The following FBXO10 variants were observed in gnomAD, a reference collection of about 807,000 sequenced individuals.
FBXO10 encodes the protein F-box only protein 10.
A neutral mutation model predicts 80.7 loss-of-function variants in FBXO10; 39 were observed. That is an observed-to-expected ratio of 0.48 (90% CI 0.37 to 0.63). The LOEUF (loss-of-function observed/expected upper bound fraction) is 0.63. Ranked by LOEUF, FBXO10 falls within the 30% of genes least tolerant of loss-of-function variation. The pLI is 0.00. For missense variants in FBXO10, 1,025 were observed against 1,269.0 expected (o/e 0.81, Z 2.92); for synonymous variants, 449 against 489.6 (o/e 0.92, Z 1.09).
Position 37,537,733 on chromosome 9 carries a change from T to C in FBXO10, c.796A>G (p.Lys266Glu), listed in dbSNP as rs770753607. The C allele has an allele frequency of 6.2e-7, 1 of 1,614,042 alleles. No individual in the cohort carries two copies. The highest frequency in any genetic ancestry group is 1.1e-5 in the South Asian group (1 of 91,090). Residue 266 changes from lysine to glutamate, a missense_variant, in exon 3 of 11, where the codon AAG becomes GAG. Physicochemically the swap from Lys to Glu is moderately conservative, Grantham distance 56 (BLOSUM62 1). Coordinates refer to ENST00000432825, the MANE Select transcript of FBXO10 (RefSeq NM_012166.3). ...AGTAGATACTTGTAGGCCCAGTTCT[T>C]ATCTGCAGATGGGTGACCCTCAACA... The part of the protein sequence containing the change: ...VTVEGHPSAD[K>E]NWAYKYLLGL...
intron 3 of FBXO10, among the ~76,000 whole-genome samples, chr9:37,534,260 G>C (rs1227798900): frequency 6.6e-6 from 1 of 152,134 alleles, no homozygotes; most frequent in Non-Finnish European, 1.5e-5. Context: ...AAATGGTAAG[G>C]TTTCAGCTTC....
chr9:37,545,868 C>T (rs565081699), intron 1 of FBXO10, among the ~76,000 whole-genome samples: 10 of 152,090 alleles, frequency 6.6e-5, no homozygotes, highest in African/African-American at 1.4e-4. Flanking sequence ...GATTTTTGGC[C>T]GGGTGCGGTG....
chr9:37,516,393 T>C lies in FBXO10; in HGVS notation c.2515-308A>G, dbSNP rs1206917848. Among the ~76,000 whole-genome samples the C allele has an allele frequency of 1.3e-5, 2 of 152,182 alleles. 1 individual carries two copies. The highest frequency in any genetic ancestry group is 1.3e-4 in the Admixed American group (2 of 15,282). On this transcript the variant is annotated intron_variant, in intron 9 of 10. Transcript: ENST00000432825. Reference sequence around the variant, plus strand: ...AGGCAGTGTCAGAAGTCAGGGCCACTGGCAACCCAACTGAGACGAAAGTGT... The same window carrying C: ...AGGCAGTGTCAGAAGTCAGGGCCACCGGCAACCCAACTGAGACGAAAGTGT...
At chr9:37,556,673 A>G (rs1182395422) in intron 1 of FBXO10, among the ~76,000 whole-genome samples, 1 of 150,632 alleles carries the variant, frequency 6.6e-6, no homozygotes, top group African/African-American at 2.4e-5. Context: ...CCTCCCAAGT[A>G]GCTGGGATTA....
intron 2 of FBXO10, among the ~76,000 whole-genome samples, chr9:37,540,617 T>C (rs1391136546): frequency 1.3e-5 from 2 of 152,222 alleles, no homozygotes; most frequent in Admixed American, 6.5e-5. Flanking sequence ...CTGCTTTACT[T>C]TGAACCATCT....
intron 1 of FBXO10, among the ~76,000 whole-genome samples, chr9:37,561,273 G>A (rs76375319): frequency 6.6e-6 from 1 of 150,568 alleles, no homozygotes; most frequent in Non-Finnish European, 1.5e-5. Flanking sequence ...TCGAACTCCT[G>A]GCCACAAGTG....
Position 37,537,914 on chromosome 9 carries a change from G to A in FBXO10, c.615C>T (p.Asn205=), listed in dbSNP as rs1371298619. 6 of 1,613,400 alleles carry A rather than the reference G, an allele frequency of 3.7e-6. No individual in the cohort carries two copies. The highest frequency in any genetic ancestry group is 5.1e-6 in the Non-Finnish European group (6 of 1,179,680). ...GGATGTGCCCGTTCTCAAAGTTGCA[G>A]TTGTCAAACTGGACGTGACCTGATG... is the stretch of plus-strand genomic sequence containing the variant. ...KTTSGHVQFD[N]CNFENGHIQV... Residue 205 remains asparagine (N), a synonymous_variant, in exon 3 of 11, where the codon AAC becomes AAT. Transcript: ENST00000432825.
chr9:37,532,557 G>C (rs912286462), intron 3 of FBXO10, among the ~76,000 whole-genome samples: 1 of 151,886 alleles, frequency 6.6e-6, no homozygotes, highest in Non-Finnish European at 1.5e-5. Flanking sequence ...TGTTGCCCAG[G>C]CTGGTCTGGA....
intron 8 of FBXO10, among the ~76,000 whole-genome samples, chr9:37,520,503 T>G (rs1821310273): frequency 6.7e-6 from 1 of 149,324 alleles, no homozygotes; most frequent in Non-Finnish European, 1.5e-5. Flanking sequence ...TAATTTTTCT[T>G]TCTCTACTCC....
At chr9:37,540,590 T>C (rs1342428412) in intron 2 of FBXO10, among the ~76,000 whole-genome samples, 1 of 152,206 alleles carries the variant, frequency 6.6e-6, no homozygotes, top group Non-Finnish European at 1.5e-5. Context: ...TGCCAGGAAC[T>C]ACCAACACCT....
chr9:37,524,215 C>T (rs1221959336), intron 6 of FBXO10, among the ~76,000 whole-genome samples: 1 of 152,222 alleles, frequency 6.6e-6, no homozygotes, highest in African/African-American at 2.4e-5. Context: ...TCCTTGTCAC[C>T]TTCTCAGAGG....
intron 1 of FBXO10, among the ~76,000 whole-genome samples, chr9:37,562,958 C>A (rs1822515902): frequency 6.7e-6 from 1 of 150,368 alleles, no homozygotes. Flanking sequence ...TGCTTAGTGC[C>A]TGATATGGTT....
At chr9:37,535,789 G>A (rs889814882) in intron 3 of FBXO10, among the ~76,000 whole-genome samples, 3 of 152,208 alleles carry the variant, frequency 2.0e-5, no homozygotes, top group Non-Finnish European at 2.9e-5. Context: ...TTGCTTGAAA[G>A]GGTGAAAGGG....
chr9:37,556,995 A>G (rs571063289), intron 1 of FBXO10, among the ~76,000 whole-genome samples: 1 of 152,264 alleles, frequency 6.6e-6, no homozygotes, highest in South Asian at 2.1e-4. Context: ...CTGAAGACTC[A>G]ATACCTGGTG....
chr9:37,569,395 C>CAAAAAAAAAAA (rs35292200), intron 1 of FBXO10, among the ~76,000 whole-genome samples: 1 of 123,108 alleles, frequency 8.1e-6, no homozygotes, highest in African/African-American at 3.3e-5. Context: ...AGATATAAAG[C>CAAAAAAAAAAA]AAAAAAAAAA....
In FBXO10 at chr9:37,541,507, T is replaced by C. The variant is rs780314084; in HGVS notation, c.262A>G (p.Asn88Asp). Reference protein sequence around the residue: ...HYLASKTWTKNALDLESSICF... With the variant: ...HYLASKTWTKDALDLESSICF... ...ATGGAAGACTCCAAGTCCAAGGCAT[T>C]CTTGGTCCATGTCTTGGATGCAAGG... Residue 88 changes from asparagine to aspartate, a missense_variant, in exon 2 of 11, where the codon AAT becomes GAT. By Grantham distance (23) the Asn-to-Asp change is conservative. Around this residue, in one of 3 missense-constraint regions of FBXO10, gnomAD observed 450 missense variants for 499.4 expected, o/e 0.90. Transcript: ENST00000432825. 1.9e-6 allele frequency: 3 copies of C among 1,613,960 alleles called. No homozygotes were observed. In the South Asian group the frequency reaches 3.3e-5, roughly 18 times the overall value.
intron 10 of FBXO10, among the ~76,000 whole-genome samples, chr9:37,514,311 G>A (rs553350690): frequency 2.6e-5 from 4 of 152,216 alleles, no homozygotes; most frequent in Admixed American, 2.0e-4. Flanking sequence ...GGTACACAGC[G>A]GACAATACCA....
At chr9:37,526,833 A>ATTTT (rs1274500063) in intron 5 of FBXO10, among the ~76,000 whole-genome samples, 1 of 139,942 alleles carries the variant, frequency 7.1e-6, no homozygotes, top group African/African-American at 3.0e-5. Context: ...TTATTTATTT[A>ATTTT]TTTATTTATT....
intron 1 of FBXO10, among the ~76,000 whole-genome samples, chr9:37,553,011 G>GTT (rs967130189): frequency 1.7e-5 from 2 of 116,502 alleles, no homozygotes; most frequent in African/African-American, 7.5e-5. Context: ...ACCAATTCAG[G>GTT]TTGTGTGTGT....
Sources: gnomAD v4.1 joint callset for allele counts (sites outside exome capture counted in the v4.1 genomes callset) on GRCh38, gnomAD v4.1.1 for gene constraint, gnomAD v4.1.1 regional missense constraint, MANE v1.5 for transcripts, NCBI Gene and HGNC (gene_info 2026-07-23, HGNC 2026-07-21) for gene names.